The following GPHN variants were observed in gnomAD, a reference collection of about 807,000 sequenced individuals.
GPHN encodes the protein gephyrin.
GPHN carries 17 observed loss-of-function variants against 95.5 expected under a neutral mutation model. The ratio of observed to expected loss-of-function variants is 0.18; its 90% CI spans 0.12 to 0.27. The LOEUF is 0.27. Among genes scored for constraint, GPHN ranks in the 10% least tolerant of loss-of-function variants. The pLI is 1.00. For missense variants in GPHN, 660 were observed against 978.1 expected, an observed-to-expected ratio of 0.67 and a Z score of 4.34; for synonymous variants, 320 against 322.5, an observed-to-expected ratio of 0.99 and a Z score of 0.08.
the GPHN span, among the ~76,000 whole-genome samples, chr14:67,669,853 A>G: frequency 6.6e-6 from 1 of 152,180 alleles, no homozygotes; most frequent in Non-Finnish European, 1.5e-5. Flanking sequence ...TAACCCCAGC[A>G]CTTTAAGAGG....
At chr14:67,574,241 G>A in the GPHN span, 1 of 1,597,606 alleles carries the variant, frequency 6.3e-7, no homozygotes, top group Non-Finnish European at 8.5e-7. This position sits in a 1 kb window ranked among gnomAD's most constrained non-coding sequence, Gnocchi z 4.2. Flanking sequence ...GCCCTCCACA[G>A]CTCATCTCTG....
chr14:67,262,365 C>T, the GPHN span, among the ~76,000 whole-genome samples: 2 of 152,074 alleles, frequency 1.3e-5, no homozygotes, highest in Non-Finnish European at 2.9e-5. Context: ...TCCCTATCCC[C>T]GCCTCGAATC....
At chr14:66,642,559 G>GTTTTTTTTTT (rs200424747) in intron 1 of GPHN, among the ~76,000 whole-genome samples, 1 of 139,896 alleles carries the variant, frequency 7.1e-6, no homozygotes, top group African/African-American at 2.6e-5. Context: ...TTTGATTTTT[G>GTTTTTTTTTT]TTTTTTTTTT....
At chr14:66,902,560 A>G (rs1336737920) in intron 5 of GPHN, among the ~76,000 whole-genome samples, 1 of 152,006 alleles carries the variant, frequency 6.6e-6, no homozygotes, top group Non-Finnish European at 1.5e-5. Context: ...AGTTTGAATG[A>G]GGGTTTTTAT....
chr14:67,037,303 A>G (rs887617575), intron 10 of GPHN, among the ~76,000 whole-genome samples: 1 of 152,018 alleles, frequency 6.6e-6, no homozygotes, highest in African/African-American at 2.4e-5. Flanking sequence ...TTAAAGATCT[A>G]ATAGTTAAGT....
intron 1 of GPHN, among the ~76,000 whole-genome samples, chr14:66,513,282 A>G (rs1205684325): frequency 2.0e-5 from 3 of 151,896 alleles, no homozygotes; most frequent in East Asian, 3.9e-4. Context: ...ATCACTGGCC[A>G]AGGACTTGAA....
chr14:67,105,163 T>C (rs1443440002), intron 13 of GPHN, among the ~76,000 whole-genome samples: 2 of 152,162 alleles, frequency 1.3e-5, no homozygotes, highest in African/African-American at 4.8e-5. Flanking sequence ...CCTCTTGTAT[T>C]GATTTATAGT....
At chr14:67,706,044 T>G in the GPHN span, 1 of 152,192 alleles carries the variant, frequency 6.6e-6, no homozygotes, top group Non-Finnish European at 1.5e-5. Context: ...GGGCTTGTAG[T>G]GTATTGTGCC....
At chr14:67,578,456 G>C in the GPHN span, 2 of 1,048,796 alleles carry the variant, frequency 1.9e-6, no homozygotes, top group Non-Finnish European at 2.9e-6. The surrounding 1 kb of genome is among the most constrained non-coding windows in gnomAD (Gnocchi z 5.0). Flanking sequence ...AGTGCTGAAG[G>C]CTCTGTAGCT....
intron 3 of GPHN, chr14:66,823,341 A>T (rs1397687143): frequency 6.6e-6 from 1 of 152,220 alleles, no homozygotes; most frequent in African/African-American, 2.4e-5. Context: ...GCTATTTATA[A>T]GAGTGAGTAT....
chr14:66,789,149 A>G (rs915154739), intron 3 of GPHN, among the ~76,000 whole-genome samples: 6 of 152,194 alleles, frequency 3.9e-5, no homozygotes, highest in African/African-American at 7.2e-5. Context: ...CACACACAGA[A>G]TCTCTTTTAC....
the GPHN span, among the ~76,000 whole-genome samples, chr14:67,538,219 G>A: frequency 5.9e-5 from 9 of 152,150 alleles, no homozygotes; most frequent in Non-Finnish European, 8.8e-5. Context: ...TAGCCTGTTA[G>A]TATGAGATAT....
the GPHN span, chr14:67,392,742 C>G: frequency 4.3e-6 from 7 of 1,614,144 alleles, no homozygotes; most frequent in Non-Finnish European, 4.2e-6. Context: ...CTTCGGACAC[C>G]CACAGGCCTG....
chr14:66,841,030 T>C, intron 4 of GPHN, among the ~76,000 whole-genome samples: 1 of 135,232 alleles, frequency 7.4e-6, no homozygotes. Context: ...TAGATATAGA[T>C]ATAGGTATAG....
At chr14:67,394,750 T>G in the GPHN span, among the ~76,000 whole-genome samples, 1 of 152,170 alleles carries the variant, frequency 6.6e-6, no homozygotes, top group Non-Finnish European at 1.5e-5. Flanking sequence ...TATTGAGAGG[T>G]GATGCCTTTA....
the GPHN span, among the ~76,000 whole-genome samples, chr14:67,551,162 C>T: frequency 1.3e-5 from 2 of 152,298 alleles, no homozygotes; most frequent in South Asian, 2.1e-4. Flanking sequence ...GGCTTAAACC[C>T]ATTCTTTCTG....
chr14:67,329,881 G>A, the GPHN span, among the ~76,000 whole-genome samples: 140 of 135,630 alleles, frequency 1.0e-3, no homozygotes, highest in Non-Finnish European at 1.7e-3. Flanking sequence ...TAAATAAATA[G>A]ATATAGAAAC....
At chr14:66,795,139 A>G (rs2060111147) in intron 3 of GPHN, among the ~76,000 whole-genome samples, 1 of 152,204 alleles carries the variant, frequency 6.6e-6, no homozygotes, top group Non-Finnish European at 1.5e-5. Flanking sequence ...CTTACTGGGT[A>G]TTGACAATAT....
chr14:67,277,946 A>G, the GPHN span, among the ~76,000 whole-genome samples: 1 of 152,106 alleles, frequency 6.6e-6, no homozygotes, highest in African/African-American at 2.4e-5. Flanking sequence ...TTTTTGCTGT[A>G]CAGTATGACT....
Sources: gnomAD v4.1 joint callset for allele counts (sites outside exome capture counted in the v4.1 genomes callset) on GRCh38, gnomAD v4.1.1 for gene constraint, Gnocchi (gnomAD v3.1) non-coding constraint, MANE v1.5 for transcripts, NCBI Gene and HGNC (gene_info 2026-07-23, HGNC 2026-07-21) for gene names.